KCND2: variants seen among roughly 807,000 people sequenced by gnomAD.
KCND2 encodes A-type voltage-gated potassium channel KCND2.
Under a neutral mutation model 54.4 loss-of-function variants are expected in KCND2, and 16 were observed. The observed-to-expected ratio is 0.29, with a 90% CI of 0.20 to 0.45. The LOEUF is 0.45. Ranked by LOEUF, KCND2 falls within the 20% of genes least tolerant of loss-of-function variation. The pLI is 1.00. For synonymous variants in KCND2, 317 were observed against 310.7 expected, an observed-to-expected ratio of 1.02 and a Z score of -0.21; for missense variants, 486 against 824.2, an observed-to-expected ratio of 0.59 and a Z score of 5.02.
At chr7:120,426,095 T>G (rs1388428393) in intron 1 of KCND2, among the ~76,000 whole-genome samples, 3 of 152,152 alleles carry the variant, frequency 2.0e-5, no homozygotes, top group Non-Finnish European at 4.4e-5. Flanking sequence ...GAAAATATCT[T>G]CTAGGTCTGA....
intron 1 of KCND2, among the ~76,000 whole-genome samples, chr7:120,670,669 C>G (rs980096033): frequency 6.6e-6 from 1 of 152,054 alleles, no homozygotes; most frequent in African/African-American, 2.4e-5. Context: ...GTAATCCCAG[C>G]ACTTTAGGAG....
At chr7:120,528,646 A>G (rs1255485740) in intron 1 of KCND2, among the ~76,000 whole-genome samples, 2 of 152,184 alleles carry the variant, frequency 1.3e-5, no homozygotes, top group Admixed American at 6.6e-5. Flanking sequence ...AAGCAAATAA[A>G]TGATACACAA....
intron 1 of KCND2, among the ~76,000 whole-genome samples, chr7:120,420,092 CT>C (rs530531712): frequency 1.4e-4 from 21 of 150,240 alleles, no homozygotes; most frequent in East Asian, 1.9e-4. Flanking sequence ...AAACCTGTTT[CT>C]TTTTTTTAAA....
intron 1 of KCND2, among the ~76,000 whole-genome samples, chr7:120,723,728 C>A (rs1792697012): frequency 6.6e-6 from 1 of 151,986 alleles, no homozygotes; most frequent in African/African-American, 2.4e-5. Flanking sequence ...GACCTTGTCT[C>A]TTAAAAAAAT....
chr7:120,660,334 A>T (rs79992914), intron 1 of KCND2, among the ~76,000 whole-genome samples: 2 of 152,322 alleles, frequency 1.3e-5, no homozygotes, highest in East Asian at 1.9e-4. Flanking sequence ...AGAAACAATG[A>T]TTATATAAAG....
chr7:120,423,362 T>C (rs1484752633), intron 1 of KCND2, among the ~76,000 whole-genome samples: 10 of 152,212 alleles, frequency 6.6e-5, no homozygotes, highest in Admixed American at 3.3e-4. Flanking sequence ...ATTCATCAGT[T>C]CAAAGCTATC....
At chr7:120,697,382 T>G (rs929118636) in intron 1 of KCND2, among the ~76,000 whole-genome samples, 33 of 151,682 alleles carry the variant, frequency 2.2e-4, no homozygotes, top group African/African-American at 7.7e-4. Context: ...ATGTGAAGAT[T>G]TTTTTTATTA....
intron 1 of KCND2, among the ~76,000 whole-genome samples, chr7:120,417,971 G>A (rs764383370): frequency 3.3e-5 from 5 of 152,116 alleles, no homozygotes; most frequent in African/African-American, 1.2e-4. Context: ...AAATATTCAT[G>A]TTAAAAAACC....
At chr7:120,593,869 G>A (rs1167889735) in intron 1 of KCND2, among the ~76,000 whole-genome samples, 1 of 152,098 alleles carries the variant, frequency 6.6e-6, no homozygotes, top group Admixed American at 6.6e-5. Context: ...GAGAGGGTAC[G>A]ATTTGTCACA....
intron 1 of KCND2, among the ~76,000 whole-genome samples, chr7:120,321,580 A>G (rs1315082894): frequency 2.0e-5 from 3 of 152,182 alleles, no homozygotes; most frequent in African/African-American, 7.2e-5. Flanking sequence ...CTGAAACTAT[A>G]AAAATGTGTT....
Position 120,747,710 on chromosome 7 carries a change from A to G in KCND2, c.1745A>G (p.Glu582Gly). The change falls in exon 6 of 6, where the codon GAG (glutamate) becomes GGG (glycine). Residue 582 changes from glutamate to glycine, a missense_variant. Around this residue, in one of 7 missense-constraint regions of KCND2, gnomAD observed 202 missense variants for 252.7 expected, o/e 0.80. Coordinates refer to ENST00000331113, the MANE Select transcript of KCND2 (RefSeq NM_012281.3). ...TCCAGTTTAAATGCCAAAATGGAAG[A>G]GTGTGTTAAACTAAACTGTGAACAA... ...SRSSLNAKMEECVKLNCEQPY... is the reference protein window; with the variant it reads ...SRSSLNAKMEGCVKLNCEQPY... 1 of 1,612,670 alleles carries G rather than the reference A, an allele frequency of 6.2e-7. No homozygotes were observed. The highest frequency in any genetic ancestry group is 8.5e-7 in the Non-Finnish European group (1 of 1,178,970).
chr7:120,634,615 C>T (rs561661901), intron 1 of KCND2, among the ~76,000 whole-genome samples: 81 of 152,296 alleles, frequency 5.3e-4, no homozygotes, highest in African/African-American at 1.9e-3. Context: ...CTTCATTTCT[C>T]ACCCAATGCT....
intron 1 of KCND2, among the ~76,000 whole-genome samples, chr7:120,495,893 G>T (rs1802840375): frequency 6.6e-6 from 1 of 152,038 alleles, no homozygotes; most frequent in South Asian, 2.1e-4. Context: ...CTATCATATG[G>T]TTGTTTAACA....
chr7:120,371,097 A>C, intron 1 of KCND2, among the ~76,000 whole-genome samples: 1 of 152,010 alleles, frequency 6.6e-6, no homozygotes, highest in East Asian at 1.9e-4. Context: ...AATTGATGGG[A>C]GAGAGAACAT....
chr7:120,696,068 A>G (rs931531463), intron 1 of KCND2, among the ~76,000 whole-genome samples: 7 of 152,212 alleles, frequency 4.6e-5, no homozygotes, highest in Admixed American at 4.6e-4. Context: ...AGCCAGCCAG[A>G]AACGTCATTA....
chr7:120,381,049 G>A (rs1800909610), intron 1 of KCND2, among the ~76,000 whole-genome samples: 1 of 152,002 alleles, frequency 6.6e-6, no homozygotes, highest in Non-Finnish European at 1.5e-5. Flanking sequence ...GGCTGAGGTG[G>A]GAGGATTACC....
chr7:120,641,780 A>G lies in KCND2; in HGVS notation c.1116-91123A>G, dbSNP rs1307588153. Among the ~76,000 whole-genome samples the G allele has an allele frequency of 1.7e-4, 22 of 126,770 alleles. No homozygotes were observed. The East Asian group carries it at 4.5e-3, about 26-fold the overall frequency. 83.2% of individuals were successfully genotyped at this position (126,770 alleles called of 152,430 possible). The stretch of plus-strand genomic sequence containing the variant: ...TTTTTTTTTTTTTTTTGCACATTTG[A>G]TACTTAAAAATCCAATTATAAAAAA... On this transcript the variant is annotated intron_variant, in intron 1 of 5. Coordinates refer to ENST00000331113, the MANE Select transcript of KCND2 (RefSeq NM_012281.3).
At chr7:120,396,892 G>T (rs2116066633) in intron 1 of KCND2, among the ~76,000 whole-genome samples, 1 of 152,150 alleles carries the variant, frequency 6.6e-6, no homozygotes, top group Non-Finnish European at 1.5e-5. Flanking sequence ...CTTGCTAAAT[G>T]ACTTTACTGT....
At chr7:120,629,592 A>G (rs1275816450) in intron 1 of KCND2, among the ~76,000 whole-genome samples, 2 of 152,208 alleles carry the variant, frequency 1.3e-5, no homozygotes, top group Non-Finnish European at 2.9e-5. Context: ...GAAATTAACT[A>G]ATCAGACATA....
Sources: gnomAD v4.1 joint callset for allele counts (sites outside exome capture counted in the v4.1 genomes callset) on GRCh38, gnomAD v4.1.1 for gene constraint, gnomAD v4.1.1 regional missense constraint, MANE v1.5 for transcripts, NCBI Gene and HGNC (gene_info 2026-07-23, HGNC 2026-07-21) for gene names.